The following FGF14 variants were observed in gnomAD, a reference collection of about 807,000 sequenced individuals.
FGF14 encodes the protein fibroblast growth factor homologous factor 4.
FGF14 carries 5 observed loss-of-function variants against 25.5 expected under a neutral mutation model. That is an observed-to-expected ratio of 0.20 (90% CI 0.10 to 0.41). The LOEUF (loss-of-function observed/expected upper bound fraction) is 0.41, where lower values mean the gene tolerates loss of function less well. Among genes scored for constraint, FGF14 ranks in the 10% least tolerant of loss-of-function variants. The probability of loss-of-function intolerance (pLI) is 1.00; values close to 1 mark genes in which losing one functional copy is unlikely to be tolerated. For missense variants in FGF14, 222 were observed against 320.1 expected (o/e 0.69, Z 2.34); for synonymous variants, 138 against 118.3 (o/e 1.17, Z -1.08).
rs547450533 is a variant in FGF14 at position 102,137,137 on chromosome 13, G to T, written c.209-261841C>A. ...AACAGCCACACCAGCCATTCCTTCAGCACTGTCTATTGGGCACTCTATAAA... is the reference window on the plus strand; with the variant it reads ...AACAGCCACACCAGCCATTCCTTCATCACTGTCTATTGGGCACTCTATAAA... On this transcript the variant is annotated intron_variant, in intron 1 of 4. Coordinates refer to the FGF14 transcript ENST00000376131. Among the ~76,000 whole-genome samples the T allele has an allele frequency of 3.9e-5, 6 of 152,250 alleles. No homozygotes were observed. The East Asian group carries it at 1.2e-3, about 29-fold the overall frequency.
intron 3 of FGF14, among the ~76,000 whole-genome samples, chr13:101,782,802 G>T (rs1351564378): frequency 6.6e-6 from 1 of 152,110 alleles, no homozygotes; most frequent in African/African-American, 2.4e-5. Flanking sequence ...TGGGCATTTA[G>T]GTTGATTCCA....
chr13:102,298,103 G>A (rs1047948186), intron 1 of FGF14, among the ~76,000 whole-genome samples: 5 of 152,218 alleles, frequency 3.3e-5, no homozygotes, highest in East Asian at 3.9e-4. Flanking sequence ...GGCAAAACCC[G>A]GTAGAGGCAA....
chr13:101,958,952 T>C (rs151263122), intron 1 of FGF14, among the ~76,000 whole-genome samples: 12 of 152,180 alleles, frequency 7.9e-5, no homozygotes, highest in African/African-American at 2.9e-4. Context: ...CTTATTGAGA[T>C]ACACAATCAG....
chr13:102,151,098 G>A (rs1670213349), intron 1 of FGF14, among the ~76,000 whole-genome samples: 1 of 152,176 alleles, frequency 6.6e-6, no homozygotes. Flanking sequence ...CCAGCTATCT[G>A]GTGGAGCAGA....
At chr13:102,005,674 C>A (rs2039746781) in intron 1 of FGF14, among the ~76,000 whole-genome samples, 1 of 152,120 alleles carries the variant, frequency 6.6e-6, no homozygotes, top group African/African-American at 2.4e-5. Context: ...ACGGAAAAGT[C>A]CAATGATGTA....
chr13:102,391,251 A>G (rs1236501994), intron 1 of FGF14, among the ~76,000 whole-genome samples: 1 of 152,194 alleles, frequency 6.6e-6, no homozygotes, highest in Non-Finnish European at 1.5e-5. Flanking sequence ...TCAGTACTGG[A>G]AAAGCACTTT....
intron 1 of FGF14, among the ~76,000 whole-genome samples, chr13:101,881,648 T>A (rs1179460658): frequency 6.6e-6 from 1 of 152,198 alleles, no homozygotes; most frequent in Non-Finnish European, 1.5e-5. Context: ...TACAATCACA[T>A]CTAGAAAAAG....
intron 1 of FGF14, among the ~76,000 whole-genome samples, chr13:102,161,598 G>GTC (rs2047675063): frequency 8.8e-4 from 2 of 2,268 alleles, no homozygotes; most frequent in African/African-American, 0.013. Context: ...AGAAGAAGAA[G>GTC]AAGAAGAAGA....
chr13:102,125,316 A>C (rs1169320932), intron 1 of FGF14, among the ~76,000 whole-genome samples: 1 of 152,200 alleles, frequency 6.6e-6, no homozygotes, highest in Non-Finnish European at 1.5e-5. Context: ...ATATTATTTA[A>C]AAATACATAT....
At chr13:101,988,294 T>C (rs1358493208) in intron 1 of FGF14, among the ~76,000 whole-genome samples, 1 of 152,000 alleles carries the variant, frequency 6.6e-6, no homozygotes, top group Non-Finnish European at 1.5e-5. Context: ...AAGCACAGGA[T>C]GATGGCAGGT....
intron 1 of FGF14, among the ~76,000 whole-genome samples, chr13:102,090,598 A>G (rs2044121341): frequency 6.6e-6 from 1 of 152,258 alleles, no homozygotes; most frequent in South Asian, 2.1e-4. Context: ...ATGGTCACTC[A>G]GAGTTGTGCC....
rs2035008562 is a variant in FGF14 at position 101,721,782 on chromosome 13, C to G, written c.*1049G>C. On this transcript the variant is annotated 3_prime_UTR_variant, in exon 5 of 5. Coordinates refer to ENST00000376143, the MANE Select transcript of FGF14 (RefSeq NM_004115.4). ...AACGGGGATGGCGTTAAGTTTGGTT[C>G]ATTAAAAACAGGACGGAGTATATCT... The G allele has an allele frequency of 6.6e-6, 1 of 151,400 alleles. No individual in the cohort carries two copies. The highest frequency in any genetic ancestry group is 1.5e-5 in the Non-Finnish European group (1 of 67,936). The allele number at this position is 151,400 out of a possible 1,614,324, so 9.4% of individuals were successfully genotyped here. A position where few individuals can be genotyped will look rare whatever the true frequency, so the allele number is the denominator to read the frequency against.
chr13:102,155,952 A>C (rs2047313783), intron 1 of FGF14, among the ~76,000 whole-genome samples: 1 of 152,228 alleles, frequency 6.6e-6, no homozygotes, highest in Admixed American at 6.5e-5. Context: ...TCCCAAGACT[A>C]AACCAGGAAG....
rs1205289031 is a variant in FGF14 at position 101,719,023 on chromosome 13, C to G, written c.*3808G>C. The G allele has an allele frequency of 2.0e-5, 3 of 151,968 alleles. No individual in the cohort carries two copies. The highest frequency in any genetic ancestry group is 4.4e-5 in the Non-Finnish European group (3 of 67,982). 9.4% of individuals were successfully genotyped at this position (151,968 alleles called of 1,614,324 possible). On this transcript the variant is annotated 3_prime_UTR_variant, in exon 5 of 5. Transcript: ENST00000376143. The stretch of plus-strand genomic sequence containing the variant: ...GCCCAGTCGCTTTCCCTTGATATAG[C>G]CTTGTTCTGAATTAAAATGGAAAAA...
intron 1 of FGF14, among the ~76,000 whole-genome samples, chr13:102,044,184 C>A (rs902637730): frequency 6.6e-6 from 1 of 152,238 alleles, no homozygotes; most frequent in East Asian, 1.9e-4. Context: ...TGGCCACTGA[C>A]ATCCCCCTTG....
At chr13:102,107,507 GA>G (rs2044981903) in intron 1 of FGF14, among the ~76,000 whole-genome samples, 1 of 152,084 alleles carries the variant, frequency 6.6e-6, no homozygotes, top group Non-Finnish European at 1.5e-5. Flanking sequence ...TGAAAAAAAA[GA>G]GACTGGCCCC....
Position 102,024,015 on chromosome 13 carries a change from T to G in FGF14, c.209-148719A>C, listed in dbSNP as rs1049741509. Reference sequence around the variant, plus strand: ...GTGTCGATCTACCACATTTTATTTCTCCATTTATCAGTTAATGAACATTTC... The same window carrying G: ...GTGTCGATCTACCACATTTTATTTCGCCATTTATCAGTTAATGAACATTTC... On this transcript the variant is annotated intron_variant, in intron 1 of 4. Transcript: ENST00000376131. Among the ~76,000 whole-genome samples, 5 of 152,186 alleles carry G rather than the reference T, an allele frequency of 3.3e-5. No individual in the cohort carries two copies. The South Asian group carries it at 6.2e-4, about 19-fold the overall frequency.
chr13:101,761,597 T>A (rs1221386865), intron 3 of FGF14, among the ~76,000 whole-genome samples: 1 of 150,846 alleles, frequency 6.6e-6, no homozygotes. Flanking sequence ...AACAATAATA[T>A]ATAGTTTCAA....
chr13:102,156,768 T>C (rs2140536292), intron 1 of FGF14, among the ~76,000 whole-genome samples: 1 of 152,252 alleles, frequency 6.6e-6, no homozygotes, highest in East Asian at 1.9e-4. Flanking sequence ...AACCCCATTG[T>C]CTCAGCCCAA....
Sources: gnomAD v4.1 joint callset for allele counts (sites outside exome capture counted in the v4.1 genomes callset) on GRCh38, gnomAD v4.1.1 for gene constraint, MANE v1.5 for transcripts, NCBI Gene and HGNC (gene_info 2026-07-23, HGNC 2026-07-21) for gene names.